Variants in AMPD1 observed in about 807,000 individuals in gnomAD.
AMPD1 encodes the protein AMP deaminase 1.
Under a neutral mutation model 82.9 loss-of-function variants are expected in AMPD1, and 74 were observed. The observed-to-expected ratio is 0.89, with a 90% CI of 0.74 to 1.08. The LOEUF (loss-of-function observed/expected upper bound fraction) is 1.08. Among genes scored for constraint, AMPD1 ranks in the 50% least tolerant of loss-of-function variants. AMPD1 has a pLI of 0.00. For synonymous variants in AMPD1, 333 were observed against 320.5 expected, an observed-to-expected ratio of 1.04 and a Z score of -0.42; for missense variants, 881 against 924.5, an observed-to-expected ratio of 0.95 and a Z score of 0.61.
At position 114,673,176 on chromosome 1, in the gene AMPD1, G is replaced by T; in HGVS notation, c.2182C>A (p.Arg728Ser). 2 of 1,613,998 alleles carry T rather than the reference G, an allele frequency of 1.2e-6. No homozygotes were observed. Among genetic ancestry groups the T allele is most frequent in the Non-Finnish European group, 1.7e-6 (2 of 1,179,970 alleles). The change falls in exon 16 of 16, where the codon CGC becomes AGC. Residue 728 changes from arginine to serine, a missense_variant. Arg to Ser is a moderately radical substitution (Grantham distance 110). Transcript: ENST00000520113. Reference sequence around the variant, plus strand: ...AGTTCATAACACCAGGTTTCATAGCGATAGGCCATGCGGATTTGGGCTACA... The same window carrying T: ...AGTTCATAACACCAGGTTTCATAGCTATAGGCCATGCGGATTTGGGCTACA... ...TNVAQIRMAY[R>S]YETWCYELNL...
Position 114,688,868 on chromosome 1 carries a change from G to T in AMPD1, c.35-127C>A, listed in dbSNP as rs777057302. ...ATGGCTCTCCTGCTTTCCAACCAGGGTCCAACACAGAGCTCAGTGCCTGCT... is the reference window on the plus strand; with the variant it reads ...ATGGCTCTCCTGCTTTCCAACCAGGTTCCAACACAGAGCTCAGTGCCTGCT... On this transcript the variant is annotated intron_variant, in intron 2 of 15. Transcript: ENST00000520113. 3 of 1,036,812 alleles carry T rather than the reference G, an allele frequency of 2.9e-6. No homozygotes were observed. In the South Asian group the frequency reaches 3.8e-5, roughly 13 times the overall value. 64.2% of individuals were successfully genotyped at this position (1,036,812 alleles called of 1,614,324 possible).
intron 2 of AMPD1, among the ~76,000 whole-genome samples, chr1:114,693,065 C>T (rs371379038): frequency 4.0e-5 from 6 of 151,146 alleles, no homozygotes; most frequent in East Asian, 1.9e-4. Flanking sequence ...GCAAAGGTTG[C>T]GATGAGCAGA....
chr1:114,680,833 C>T (rs1192117759), intron 5 of AMPD1, among the ~76,000 whole-genome samples: 4 of 151,984 alleles, frequency 2.6e-5, no homozygotes, highest in South Asian at 2.1e-4. Flanking sequence ...CAGGCTGTGG[C>T]GGCGTGTGCC....
chr1:114,688,696 G>A lies in AMPD1; in HGVS notation c.80C>T (p.Ser27Phe). 1 of 1,614,182 alleles carries A rather than the reference G, an allele frequency of 6.2e-7. No individual in the cohort carries two copies. Among genetic ancestry groups the A allele is most frequent in the Non-Finnish European group, 8.5e-7 (1 of 1,180,038 alleles). ...MRNFAEKVFASEVKDEGGRQE... is the reference protein window; with the variant it reads ...MRNFAEKVFAFEVKDEGGRQE... Reference sequence around the variant, plus strand: ...ACGACCTCCTTCATCTTTGACTTCAGAGGCAAACACTTTTTCAGCAAAGTT... The same window carrying A: ...ACGACCTCCTTCATCTTTGACTTCAAAGGCAAACACTTTTTCAGCAAAGTT... The change falls in exon 3 of 16, where the codon TCT (serine) becomes TTT (phenylalanine). Residue 27 changes from serine to phenylalanine, a missense_variant. Around this residue, in one of 2 missense-constraint regions of AMPD1, gnomAD observed 783 missense variants for 786.4 expected, o/e 1.00. Transcript: ENST00000520113.
At position 114,680,946 on chromosome 1, in the gene AMPD1, C is replaced by T. The variant is rs530138772; in HGVS notation, c.548-468G>A. Among the ~76,000 whole-genome samples, 146 of 151,994 alleles carry T rather than the reference C, an allele frequency of 9.6e-4. 1 individual carries two copies. Among genetic ancestry groups the T allele is most frequent in the African/African-American group, 2.8e-3 (117 of 41,456 alleles). The stretch of plus-strand genomic sequence containing the variant: ...TAGCACCACTGCACTCCAGCCTAGG[C>T]GACAGAGGGAGACCCTGTCTCAAAA... On this transcript the variant is annotated intron_variant, in intron 5 of 15. Coordinates refer to ENST00000520113, the MANE Select transcript of AMPD1 (RefSeq NM_000036.3).
chr1:114,695,534 G>A lies in AMPD1; in HGVS notation c.-63C>T, dbSNP rs1658652063. 1.9e-6 allele frequency: 3 copies of A among 1,614,014 alleles called. No individual in the cohort carries two copies. The African/African-American group carries it at 4.0e-5, about 22-fold the overall frequency. On this transcript the variant is annotated 5_prime_UTR_variant, in exon 1 of 16. Transcript: ENST00000520113. The stretch of plus-strand genomic sequence containing the variant: ...AAAAGAAGAGAGAGGAGACTGTGGG[G>A]TGACTGACTGACACTATAAAATATC...
At chr1:114,680,545 A>G in intron 5 of AMPD1, 67 bp from the exon 6 acceptor site, 3 of 1,311,312 alleles carry the variant, frequency 2.3e-6, no homozygotes, top group Non-Finnish European at 3.3e-6. Context: ...AAATAACCAA[A>G]ATGTGAAATA....
Position 114,680,324 on chromosome 1 carries a change from G to A in AMPD1, c.702C>T (p.Tyr234=). 5.0e-6 allele frequency: 8 copies of A among 1,614,188 alleles called. No individual in the cohort carries two copies. Among genetic ancestry groups the A allele is most frequent in the Non-Finnish European group, 6.8e-6 (8 of 1,180,022 alleles). Residue 234 remains tyrosine (Y), a synonymous_variant, in exon 6 of 16, where the codon TAC becomes TAT. Transcript: ENST00000520113. Reference sequence around the variant, plus strand: ...CGTCTAAGAAGGTGTCCAGATTTGGGTAAGGAAGTGGCTTAGGCTCATCTT... The same window carrying A: ...CGTCTAAGAAGGTGTCCAGATTTGGATAAGGAAGTGGCTTAGGCTCATCTT... The part of the protein sequence containing the change: ...VSKDEPKPLP[Y]PNLDTFLDDM...
chr1:114,685,219 G>T (rs1570849485), intron 4 of AMPD1, among the ~76,000 whole-genome samples: 1 of 152,288 alleles, frequency 6.6e-6, no homozygotes, highest in South Asian at 2.1e-4. Flanking sequence ...AGGTCTGGGG[G>T]TCTGCTTCCC....
chr1:114,678,069 T>C, intron 8 of AMPD1, 28 bp from the exon 9 acceptor site: 6 of 1,613,328 alleles, frequency 3.7e-6, no homozygotes, highest in Non-Finnish European at 5.1e-6. Flanking sequence ...AGCAGAGATG[T>C]ATTATTACCA....
intron 1 of AMPD1, among the ~76,000 whole-genome samples, chr1:114,693,997 C>T (rs576449529): frequency 3.3e-5 from 5 of 152,154 alleles, no homozygotes; most frequent in East Asian, 3.9e-4. Flanking sequence ...GTCAGGAGAT[C>T]GAGACCATCC....
rs1228989515 is a variant in AMPD1, at chr1:114,688,744, A to G, written c.35-3T>C. ...GTTGCGCATTGCATCATCAATTTCT[A>G]AAAGAGGTTTTCACATATTAGTGTT... On this transcript the variant is annotated splice_region_variant and splice_polypyrimidine_tract_variant and intron_variant, in intron 2 of 15. Transcript: ENST00000520113. The G allele has an allele frequency of 6.2e-7, 1 of 1,614,202 alleles. No individual in the cohort carries two copies.
intron 10 of AMPD1, chr1:114,676,385 A>G (rs1557968847): frequency 3.6e-6 from 1 of 276,762 alleles, no homozygotes; most frequent in Non-Finnish European, 7.0e-6. Context: ...CTGCAATTTA[A>G]CAAACTCTGA....
intron 9 of AMPD1, 80 bp from the exon 10 acceptor site, chr1:114,677,594 T>C: frequency 6.4e-7 from 1 of 1,571,164 alleles, no homozygotes; most frequent in Non-Finnish European, 8.7e-7. Flanking sequence ...ATTCCCTTTC[T>C]AACTCTTCCT....
At chr1:114,680,645 G>A (rs1658130361) in intron 5 of AMPD1, among the ~76,000 whole-genome samples, 167 bp from the exon 6 acceptor site, 1 of 152,140 alleles carries the variant, frequency 6.6e-6, no homozygotes, top group Admixed American at 6.5e-5. Flanking sequence ...TTTTTTAAAG[G>A]TGACATAATA....
intron 10 of AMPD1, chr1:114,676,321 T>G (rs1043453930): frequency 2.9e-6 from 1 of 350,060 alleles, no homozygotes; most frequent in South Asian, 2.4e-5. Context: ...CTTCAATATA[T>G]GTGTGTAACT....
rs1657888811 is a variant in AMPD1 at position 114,673,384 on chromosome 1, T to C, written c.2086-112A>G. 3.3e-6 allele frequency: 4 copies of C among 1,225,886 alleles called. No individual in the cohort carries two copies. The Admixed American group carries it at 5.8e-5, about 18-fold the overall frequency. 75.9% of individuals were successfully genotyped at this position (1,225,886 alleles called of 1,614,324 possible). A position where few individuals can be genotyped will look rare whatever the true frequency, so the allele number is the denominator to read the frequency against. On this transcript the variant is annotated intron_variant, in intron 15 of 15. Coordinates refer to ENST00000520113, the MANE Select transcript of AMPD1 (RefSeq NM_000036.3). ...CTTATGTTAGCCACTGACAAAAGAATAATAATAATAGACCATTAAAAGCAC... is the reference window on the plus strand; with the variant it reads ...CTTATGTTAGCCACTGACAAAAGAACAATAATAATAGACCATTAAAAGCAC...
At chr1:114,689,643 C>G (rs1432311065) in intron 2 of AMPD1, among the ~76,000 whole-genome samples, 2 of 152,046 alleles carry the variant, frequency 1.3e-5, no homozygotes, top group Non-Finnish European at 2.9e-5. Context: ...ATGGCGAAAC[C>G]CTGTCTCTAC....
chr1:114,685,945 AC>A (rs1484154768), intron 4 of AMPD1, among the ~76,000 whole-genome samples: 1 of 152,116 alleles, frequency 6.6e-6, no homozygotes, highest in Non-Finnish European at 1.5e-5. Context: ...TGAGAAGGGG[AC>A]CCAGCACTGG....
Sources: gnomAD v4.1 joint callset for allele counts (sites outside exome capture counted in the v4.1 genomes callset) on GRCh38, gnomAD v4.1.1 for gene constraint, gnomAD v4.1.1 regional missense constraint, MANE v1.5 for transcripts, NCBI Gene and HGNC (gene_info 2026-07-23, HGNC 2026-07-21) for gene names.